The following ANKRD13C variants were observed in gnomAD, a reference collection of about 807,000 sequenced individuals.
ANKRD13C encodes the protein ankyrin repeat domain 13C, also known as ankyrin repeat domain-containing protein 13C.
In ANKRD13C, 16 loss-of-function variants were observed where a neutral mutation model predicts 65.5. The ratio of observed to expected loss-of-function variants is 0.24; its 90% CI spans 0.17 to 0.37. The LOEUF (loss-of-function observed/expected upper bound fraction) is 0.37, where lower values mean the gene tolerates loss of function less well. Ranked by LOEUF, ANKRD13C falls within the 10% of genes least tolerant of loss-of-function variation. The pLI, the probability that ANKRD13C is intolerant of heterozygous loss-of-function variation, is 1.00. For missense variants in ANKRD13C, 503 were observed against 655.9 expected (o/e 0.77, Z 2.55); for synonymous variants, 235 against 238.7 (o/e 0.98, Z 0.14).
intron 6 of ANKRD13C, among the ~76,000 whole-genome samples, chr1:70,303,834 C>T (rs1233998044): frequency 7.9e-5 from 12 of 151,998 alleles, no homozygotes; most frequent in Admixed American, 7.9e-4. Context: ...GGCAAAAAAC[C>T]TTTTGTCATA....
rs2101078318 is a variant in ANKRD13C, at chr1:70,260,191, A to T, written c.*2526T>A. Among the ~76,000 whole-genome samples the T allele has an allele frequency of 6.6e-6, 1 of 152,286 alleles. No individual in the cohort carries two copies. The highest frequency in any genetic ancestry group is 2.1e-4 in the South Asian group (1 of 4,826). On this transcript the variant is annotated 3_prime_UTR_variant, in exon 13 of 13. Coordinates refer to ENST00000370944, the MANE Select transcript of ANKRD13C (RefSeq NM_030816.5). ...TTCCAAACCATCATCTGTACTTCTT[A>T]TACTCACAAAAATCAGGGCATCTAC... is the stretch of plus-strand genomic sequence containing the variant.
At chr1:70,331,506 T>C (rs1210072839) in intron 2 of ANKRD13C, among the ~76,000 whole-genome samples, 1 of 151,848 alleles carries the variant, frequency 6.6e-6, no homozygotes, top group Admixed American at 6.6e-5. Flanking sequence ...TAAAAGGGAA[T>C]AGACTATCTA....
intron 10 of ANKRD13C, among the ~76,000 whole-genome samples, chr1:70,276,349 G>C (rs1025252577): frequency 6.6e-6 from 1 of 152,094 alleles, no homozygotes; most frequent in African/African-American, 2.4e-5. Flanking sequence ...GAGGAGCTTG[G>C]AAAGGCAAAA....
At chr1:70,330,545 G>C (rs1286390340) in intron 2 of ANKRD13C, among the ~76,000 whole-genome samples, 2 of 127,846 alleles carry the variant, frequency 1.6e-5, no homozygotes, top group Non-Finnish European at 3.1e-5. Context: ...GTGACAGAGT[G>C]AGCCTCCGTC....
chr1:70,350,224 G>A (rs775217256), intron 1 of ANKRD13C, among the ~76,000 whole-genome samples: 1 of 152,234 alleles, frequency 6.6e-6, no homozygotes, highest in Non-Finnish European at 1.5e-5. Flanking sequence ...TCTCCCTGTT[G>A]TCTTTGCTCA....
intron 12 of ANKRD13C, among the ~76,000 whole-genome samples, chr1:70,266,026 AT>A (rs1392366349): frequency 6.6e-6 from 1 of 151,992 alleles, no homozygotes; most frequent in Non-Finnish European, 1.5e-5. Context: ...ATAATACAAC[AT>A]AAAAATCAGG....
chr1:70,350,016 G>A (rs569533072), intron 1 of ANKRD13C, among the ~76,000 whole-genome samples: 215 of 152,242 alleles, frequency 1.4e-3, no homozygotes, highest in African/African-American at 5.1e-3. Context: ...GGTGGTGCAT[G>A]CCTGTAGTCC....
chr1:70,289,675 A>G (rs1205672658), intron 9 of ANKRD13C, among the ~76,000 whole-genome samples: 1 of 147,542 alleles, frequency 6.8e-6, no homozygotes, highest in Non-Finnish European at 1.5e-5. Context: ...ACGGGGTTTC[A>G]CCATGTTAGC....
At chr1:70,327,863 G>C (rs1681608825) in intron 2 of ANKRD13C, among the ~76,000 whole-genome samples, 1 of 151,912 alleles carries the variant, frequency 6.6e-6, no homozygotes, top group African/African-American at 2.4e-5. Context: ...TCAGGAGTTT[G>C]AGACCAACGT....
intron 12 of ANKRD13C, among the ~76,000 whole-genome samples, chr1:70,268,653 T>C (rs1196384726): frequency 6.6e-6 from 1 of 152,146 alleles, no homozygotes; most frequent in Admixed American, 6.5e-5. Flanking sequence ...GATATTCTCT[T>C]TTTGTATCAA....
intron 3 of ANKRD13C, among the ~76,000 whole-genome samples, chr1:70,320,034 C>A (rs1359282081): frequency 6.6e-6 from 1 of 152,086 alleles, no homozygotes; most frequent in African/African-American, 2.4e-5. Context: ...AGAAAACTTC[C>A]TTGTACTTGA....
At chr1:70,324,819 A>G (rs200488712) in intron 3 of ANKRD13C, 34 bp downstream of exon 3, 46 of 1,416,582 alleles carry the variant, frequency 3.2e-5, no homozygotes, top group Non-Finnish European at 4.2e-5. Flanking sequence ...TATTTTTAGA[A>G]GATATATCAA....
intron 9 of ANKRD13C, 79 bp downstream of exon 9, chr1:70,292,309 C>A: frequency 8.9e-7 from 1 of 1,129,126 alleles, no homozygotes; most frequent in South Asian, 1.9e-5. Flanking sequence ...CATTTATATA[C>A]TTACTGAATG....
chr1:70,262,583 C>T lies in ANKRD13C; in HGVS notation c.*134G>A, dbSNP rs1036343686. ...TTATTAGAGGCCCATTTCACTGTAT[C>T]GTATTACTGATGTGTCGATTCAATG... On this transcript the variant is annotated 3_prime_UTR_variant, in exon 13 of 13. Transcript: ENST00000370944. 9.1e-6 allele frequency: 9 copies of T among 985,214 alleles called. No homozygotes were observed. Among genetic ancestry groups the T allele is most frequent in the Admixed American group, 5.2e-5 (2 of 38,618 alleles). 61.0% of individuals were successfully genotyped at this position (985,214 alleles called of 1,614,324 possible). A position where few individuals can be genotyped will look rare whatever the true frequency, so the allele number is the denominator to read the frequency against.
chr1:70,352,339 C>CAAAAAAAAAA (rs397965041), intron 1 of ANKRD13C, among the ~76,000 whole-genome samples: 1 of 60,796 alleles, frequency 1.6e-5, no homozygotes, highest in Non-Finnish European at 3.1e-5. Flanking sequence ...GACTCCGTCT[C>CAAAAAAAAAA]AAAAAAAAAA....
At chr1:70,288,666 T>C (rs1679727694) in intron 9 of ANKRD13C, among the ~76,000 whole-genome samples, 1 of 152,192 alleles carries the variant, frequency 6.6e-6, no homozygotes, top group South Asian at 2.1e-4. Flanking sequence ...ATTCCATTTA[T>C]AGAACATCCT....
chr1:70,272,303 G>A lies in ANKRD13C; in HGVS notation c.1395-1347C>T, dbSNP rs1333447548. ...TGCAATGGCGTGATGTCGGCTCAACGCAAACTCCGCCTCCCGGGTTCAAGT... is the reference window on the plus strand; with the variant it reads ...TGCAATGGCGTGATGTCGGCTCAACACAAACTCCGCCTCCCGGGTTCAAGT... On this transcript the variant is annotated intron_variant, in intron 11 of 12. Transcript: ENST00000370944. Among the ~76,000 whole-genome samples the A allele has an allele frequency of 4.0e-5, 6 of 151,514 alleles. No individual in the cohort carries two copies. In the Middle Eastern group the frequency reaches 0.014, roughly 346 times the overall value.
At chr1:70,321,631 G>C (rs963504579) in intron 3 of ANKRD13C, among the ~76,000 whole-genome samples, 1 of 152,144 alleles carries the variant, frequency 6.6e-6, no homozygotes, top group Non-Finnish European at 1.5e-5. Context: ...ATCAGAGAAA[G>C]CTAGGAACCA....
chr1:70,266,109 T>A (rs181839975), intron 12 of ANKRD13C, among the ~76,000 whole-genome samples: 1 of 152,328 alleles, frequency 6.6e-6, no homozygotes, highest in East Asian at 1.9e-4. Context: ...GATCCCACAG[T>A]GTTGCCCTTT....
Sources: gnomAD v4.1 joint callset for allele counts (sites outside exome capture counted in the v4.1 genomes callset) on GRCh38, gnomAD v4.1.1 for gene constraint, MANE v1.5 for transcripts, NCBI Gene and HGNC (gene_info 2026-07-23, HGNC 2026-07-21) for gene names.